UTS2B: variants seen among roughly 807,000 people sequenced by gnomAD.
UTS2B encodes urotensin-2B.
UTS2B carries 21 observed loss-of-function variants against 19.2 expected under a neutral mutation model. The ratio of observed to expected loss-of-function variants is 1.09; its 90% CI spans 0.78 to 1.58. UTS2B has a LOEUF of 1.58. Ranked by LOEUF, UTS2B falls within the 40% of genes most tolerant of loss-of-function variation. UTS2B has a pLI of 0.00. For synonymous variants in UTS2B, 57 were observed against 50.2 expected (o/e 1.14, Z -0.58); for missense variants, 138 against 130.3 (o/e 1.06, Z -0.29).
chr3:191,327,956 T>C (rs1258124133), intron 2 of UTS2B, among the ~76,000 whole-genome samples: 1 of 152,206 alleles, frequency 6.6e-6, no homozygotes, highest in Non-Finnish European at 1.5e-5. Context: ...GTGGGTAAAC[T>C]TTTCCTGTAA....
chr3:191,329,831 CCG>C, intron 1 of UTS2B: 1 of 1,178,056 alleles, frequency 8.5e-7, no homozygotes, highest in Non-Finnish European at 1.2e-6. Flanking sequence ...CGCCCGGTGC[CCG>C]CCCTGCGTTG....
intron 5 of UTS2B, among the ~76,000 whole-genome samples, chr3:191,280,740 A>G (rs929326356): frequency 3.9e-5 from 6 of 152,156 alleles, no homozygotes; most frequent in African/African-American, 1.4e-4. Context: ...TTTCATATAC[A>G]CATGAAATTA....
intron 4 of UTS2B, among the ~76,000 whole-genome samples, chr3:191,301,389 T>C (rs901112101): frequency 1.3e-5 from 2 of 152,196 alleles, no homozygotes; most frequent in African/African-American, 4.8e-5. Flanking sequence ...TGTTGAGAAC[T>C]GTGAAGATTC....
At chr3:191,271,786 C>G (rs1576911560) in intron 8 of UTS2B, among the ~76,000 whole-genome samples, 3 of 152,186 alleles carry the variant, frequency 2.0e-5, no homozygotes, top group African/African-American at 7.2e-5. Context: ...ATGTATATCT[C>G]TAATCTGGGC....
chr3:191,292,089 A>G (rs1447091179), intron 4 of UTS2B, among the ~76,000 whole-genome samples: 2 of 150,560 alleles, frequency 1.3e-5, no homozygotes, highest in African/African-American at 4.9e-5. Context: ...GCATTTCCAT[A>G]TACATTGTAG....
chr3:191,337,993 A>G, the UTS2B span, among the ~76,000 whole-genome samples: 1 of 152,170 alleles, frequency 6.6e-6, no homozygotes, highest in Non-Finnish European at 1.5e-5. Flanking sequence ...GTCCTGATAC[A>G]GCTCCTCAGT....
intron 8 of UTS2B, among the ~76,000 whole-genome samples, chr3:191,268,910 C>G (rs1299608351): frequency 6.6e-6 from 1 of 152,182 alleles, no homozygotes; most frequent in Non-Finnish European, 1.5e-5. Flanking sequence ...GGAAGGAAGA[C>G]AGTTTAAAGG....
chr3:191,329,338 C>T (rs1222465374), intron 1 of UTS2B: 4 of 282,450 alleles, frequency 1.4e-5, no homozygotes, highest in Non-Finnish European at 2.6e-5. Flanking sequence ...CCTCCCCCAG[C>T]CGGCCCGCCC....
At position 191,278,102 on chromosome 3, in the gene UTS2B, T is replaced by G. The variant is rs1716286709; in HGVS notation, c.172A>C (p.Asn58His). Residue 58 changes from asparagine (N) to histidine (H), a missense_variant, in exon 6 of 9, where the codon AAT becomes CAT. By Grantham distance (68) the Asn-to-His change is moderately conservative (BLOSUM62 1). Coordinates refer to ENST00000340524, the MANE Select transcript of UTS2B (RefSeq NM_198152.5). ...EELLLALLNK[N>H]FDFQRPFNTD... is the part of the protein sequence containing the mutation. ...TTGAAAGGTCTTTGGAAATCAAAAT[T>G]TTTATTCAGTAGAGCCAGCAATAGT... 1.3e-6 allele frequency: 2 copies of G among 1,567,896 alleles called. No homozygotes were observed. The highest frequency in any genetic ancestry group is 1.7e-6 in the Non-Finnish European group (2 of 1,161,004).
At chr3:191,289,266 A>G (rs1041728273) in intron 4 of UTS2B, among the ~76,000 whole-genome samples, 106 of 151,988 alleles carry the variant, frequency 7.0e-4, no homozygotes, top group African/African-American at 2.4e-3. Flanking sequence ...AAAATTAGCC[A>G]GGCATGGTGG....
chr3:191,342,326 T>TG, the UTS2B span, among the ~76,000 whole-genome samples: 1 of 152,168 alleles, frequency 6.6e-6, no homozygotes, highest in Admixed American at 6.5e-5. Context: ...GTAAAGTTGT[T>TG]GGGGAATTTT....
At chr3:191,280,505 G>C (rs1201322582) in intron 5 of UTS2B, among the ~76,000 whole-genome samples, 2 of 152,116 alleles carry the variant, frequency 1.3e-5, no homozygotes, top group Non-Finnish European at 2.9e-5. Flanking sequence ...TGTATACATG[G>C]AGAAGAACTC....
At chr3:191,298,521 G>T (rs1367321503) in intron 4 of UTS2B, among the ~76,000 whole-genome samples, 1 of 152,166 alleles carries the variant, frequency 6.6e-6, no homozygotes, top group Non-Finnish European at 1.5e-5. Context: ...TGTTTCCTGA[G>T]GCCTCCCCAG....
At chr3:191,291,469 T>C (rs1716714698) in intron 4 of UTS2B, among the ~76,000 whole-genome samples, 1 of 151,966 alleles carries the variant, frequency 6.6e-6, no homozygotes, top group Non-Finnish European at 1.5e-5. Context: ...TTCTTTTTTT[T>C]TGAGACAGAG....
intron 8 of UTS2B, among the ~76,000 whole-genome samples, 174 bp from the exon 9 acceptor site, chr3:191,268,615 A>C (rs1716006656): frequency 6.6e-6 from 1 of 152,218 alleles, no homozygotes; most frequent in Non-Finnish European, 1.5e-5. Context: ...TAAATTAAAA[A>C]TTCAGCATCT....
upstream of UTS2B, among the ~76,000 whole-genome samples, chr3:191,331,844 CAT>C (rs1343881483): frequency 2.6e-5 from 4 of 152,294 alleles, no homozygotes; most frequent in Admixed American, 6.5e-5. Flanking sequence ...TAGGGTAAAA[CAT>C]GTGCAAACAT....
At chr3:191,270,501 C>A (rs1275366748) in intron 8 of UTS2B, among the ~76,000 whole-genome samples, 1 of 152,154 alleles carries the variant, frequency 6.6e-6, no homozygotes, top group Non-Finnish European at 1.5e-5. Flanking sequence ...ACCTGACCTA[C>A]AAACATGTTG....
At chr3:191,298,989 G>C (rs1376412243) in intron 4 of UTS2B, among the ~76,000 whole-genome samples, 1 of 152,192 alleles carries the variant, frequency 6.6e-6, no homozygotes, top group Non-Finnish European at 1.5e-5. Flanking sequence ...TGATAGTGAT[G>C]ATTTAGGGTG....
chr3:191,294,811 C>A (rs2108587949), intron 4 of UTS2B: 1 of 151,644 alleles, frequency 6.6e-6, no homozygotes, highest in Admixed American at 6.5e-5. Context: ...GGTGGATCAC[C>A]TAAGGCCAGT....
Sources: gnomAD v4.1 joint callset for allele counts (sites outside exome capture counted in the v4.1 genomes callset) on GRCh38, gnomAD v4.1.1 for gene constraint, MANE v1.5 for transcripts, NCBI Gene and HGNC (gene_info 2026-07-23, HGNC 2026-07-21) for gene names.